The following AMPH variants were observed in gnomAD, a reference collection of about 807,000 sequenced individuals.
AMPH encodes amphiphysin (Stiff-Mann syndrome with breast cancer 128kD autoantigen).
AMPH carries 49 observed loss-of-function variants against 99.1 expected under a neutral mutation model. The ratio of observed to expected loss-of-function variants is 0.49; its 90% CI spans 0.39 to 0.63. The LOEUF (loss-of-function observed/expected upper bound fraction) is 0.63, where lower values mean the gene tolerates loss of function less well. Among genes scored for constraint, AMPH ranks in the 20% least tolerant of loss-of-function variants. The probability of loss-of-function intolerance (pLI) is 0.00; values close to 1 mark genes in which losing one functional copy is unlikely to be tolerated. For missense variants in AMPH, 759 were observed against 863.4 expected, an observed-to-expected ratio of 0.88 and a Z score of 1.52; for synonymous variants, 314 against 317.3, an observed-to-expected ratio of 0.99 and a Z score of 0.11.
At chr7:38,560,351 C>T (rs1001628460) in intron 1 of AMPH, among the ~76,000 whole-genome samples, 2 of 152,186 alleles carry the variant, frequency 1.3e-5, no homozygotes, top group African/African-American at 2.4e-5. Flanking sequence ...AACCACCTAT[C>T]AGTCCATCCA....
chr7:38,552,443 A>T (rs1332495054), intron 1 of AMPH, among the ~76,000 whole-genome samples: 1 of 152,216 alleles, frequency 6.6e-6, no homozygotes, highest in Non-Finnish European at 1.5e-5. Flanking sequence ...TTAATACCCA[A>T]TTTATACAAC....
intron 3 of AMPH, among the ~76,000 whole-genome samples, chr7:38,501,876 C>G (rs915489110): frequency 6.6e-6 from 1 of 152,096 alleles, no homozygotes; most frequent in African/African-American, 2.4e-5. Context: ...CTTCCCAGAG[C>G]TTTACCAATT....
intron 1 of AMPH, among the ~76,000 whole-genome samples, chr7:38,596,394 G>A (rs924487917): frequency 3.3e-5 from 5 of 152,144 alleles, no homozygotes; most frequent in South Asian, 2.1e-4. Context: ...TCAGGAGCCC[G>A]GGGAATTATT....
chr7:38,481,152 A>G (rs1431051911), intron 5 of AMPH, among the ~76,000 whole-genome samples: 1 of 152,194 alleles, frequency 6.6e-6, no homozygotes, highest in Non-Finnish European at 1.5e-5. Flanking sequence ...GGGTTAGAAA[A>G]GATAAATCAA....
intron 16 of AMPH, among the ~76,000 whole-genome samples, chr7:38,422,053 G>A (rs530712496): frequency 7.2e-4 from 109 of 152,194 alleles, no homozygotes; most frequent in Middle Eastern, 3.4e-3. Flanking sequence ...GTAGTTTCAC[G>A]TTCAAGAAAC....
intron 1 of AMPH, among the ~76,000 whole-genome samples, chr7:38,588,892 G>C (rs1036922031): frequency 6.6e-6 from 1 of 151,796 alleles, no homozygotes; most frequent in Non-Finnish European, 1.5e-5. Context: ...ATACTTAATG[G>C]GCATCTGAAG....
intron 1 of AMPH, among the ~76,000 whole-genome samples, chr7:38,584,630 G>A (rs1477507447): frequency 6.6e-5 from 10 of 152,136 alleles, no homozygotes; most frequent in African/African-American, 1.7e-4. Flanking sequence ...CATGAATCAC[G>A]TCATGTGGCA....
chr7:38,600,970 C>T (rs1050395259), intron 1 of AMPH, among the ~76,000 whole-genome samples: 8 of 152,204 alleles, frequency 5.3e-5, no homozygotes, highest in Admixed American at 1.3e-4. Flanking sequence ...ACTCAAAAGA[C>T]GATTACAAAT....
At chr7:38,505,596 G>A (rs1789294657) in intron 2 of AMPH, among the ~76,000 whole-genome samples, 1 of 152,152 alleles carries the variant, frequency 6.6e-6, no homozygotes, top group Non-Finnish European at 1.5e-5. Context: ...CCATCAGCTA[G>A]AGAAAATAAA....
chr7:38,391,658 A>T, intron 19 of AMPH, 90 bp downstream of exon 19: 1 of 1,384,724 alleles, frequency 7.2e-7, no homozygotes, highest in Non-Finnish European at 9.7e-7. Context: ...TAATTGCAAA[A>T]AGTAAAAGTA....
intron 7 of AMPH, among the ~76,000 whole-genome samples, chr7:38,469,877 A>T (rs192250553): frequency 6.6e-6 from 1 of 152,280 alleles, no homozygotes; most frequent in East Asian, 1.9e-4. Context: ...GCCATGACTC[A>T]CAACTATTTC....
At chr7:38,524,298 T>C (rs1790080911) in intron 2 of AMPH, among the ~76,000 whole-genome samples, 1 of 152,146 alleles carries the variant, frequency 6.6e-6, no homozygotes, top group Admixed American at 6.5e-5. Context: ...CAGAGTTAGT[T>C]TAAAGAAACT....
At chr7:38,560,916 T>C (rs75796335) in intron 1 of AMPH, among the ~76,000 whole-genome samples, 13,892 of 152,292 alleles carry the variant, frequency 0.091, 816 homozygotes, top group Middle Eastern at 0.17. Flanking sequence ...CCTCTGCCAT[T>C]GGCTAAATGA....
At chr7:38,431,643 C>T (rs1449610263) in intron 13 of AMPH, among the ~76,000 whole-genome samples, 6 of 143,286 alleles carry the variant, frequency 4.2e-5, no homozygotes, top group Non-Finnish European at 7.5e-5. Flanking sequence ...AATGAAACAG[C>T]GAGACTCCGT....
intron 1 of AMPH, among the ~76,000 whole-genome samples, chr7:38,626,352 G>T (rs1178007536): frequency 6.6e-6 from 1 of 152,058 alleles, no homozygotes; most frequent in Non-Finnish European, 1.5e-5. Context: ...CAGATATATA[G>T]ACCAATGGAA....
At position 38,620,230 on chromosome 7, in the gene AMPH, CTTAA is replaced by C. The variant is rs145449579; in HGVS notation, c.69+11049_69+11052del. 4.7e-3 allele frequency among the ~76,000 whole-genome samples: 711 copies of C among 152,018 alleles called. 4 individuals are homozygous for C. Among genetic ancestry groups the C allele is most frequent in the African/African-American group, 0.016 (665 of 41,464 alleles). On this transcript the variant is annotated intron_variant, in intron 1 of 20. Transcript: ENST00000356264. The stretch of plus-strand genomic sequence containing the variant: ...CCCATAATTAAGTCAAGTTGCCAGC[CTTAA>C]TTATATTTCTCTCTCGCTCGTTCAC...
At chr7:38,472,409 A>G (rs1562777538) in intron 7 of AMPH, among the ~76,000 whole-genome samples, 1 of 152,150 alleles carries the variant, frequency 6.6e-6, no homozygotes, top group Admixed American at 6.5e-5. Context: ...ACAAAACACC[A>G]AAGTGTTTTT....
chr7:38,597,422 G>C (rs1445276889), intron 1 of AMPH, among the ~76,000 whole-genome samples: 1 of 152,080 alleles, frequency 6.6e-6, no homozygotes, highest in Non-Finnish European at 1.5e-5. Flanking sequence ...AGATGCCTCT[G>C]AATCAGCTCT....
intron 2 of AMPH, among the ~76,000 whole-genome samples, chr7:38,511,585 A>C (rs1789543777): frequency 6.6e-6 from 1 of 152,200 alleles, no homozygotes; most frequent in African/African-American, 2.4e-5. Context: ...ATACTAAAGG[A>C]AAAAAGAATA....
Sources: gnomAD v4.1 joint callset for allele counts (sites outside exome capture counted in the v4.1 genomes callset) on GRCh38, gnomAD v4.1.1 for gene constraint, MANE v1.5 for transcripts, NCBI Gene and HGNC (gene_info 2026-07-23, HGNC 2026-07-21) for gene names.